Variants in POLR2H observed in about 807,000 individuals in gnomAD.
The protein encoded by POLR2H is DNA-directed RNA polymerases I, II, and III subunit RPABC3.
Under a neutral mutation model 18.1 loss-of-function variants are expected in POLR2H, and 3 were observed. The observed-to-expected ratio is 0.17, with a 90% confidence interval of 0.08 to 0.43. The LOEUF (loss-of-function observed/expected upper bound fraction) is 0.43. Ranked by LOEUF, POLR2H falls within the 20% of genes least tolerant of loss-of-function variation. The probability of loss-of-function intolerance (pLI) is 0.99; values close to 1 mark genes in which losing one functional copy is unlikely to be tolerated. For synonymous variants in POLR2H, 76 were observed against 69.0 expected (o/e 1.10, Z -0.50); for missense variants, 103 against 184.6 (o/e 0.56, Z 2.56).
Position 184,368,469 on chromosome 3 carries a change from A to G in POLR2H, c.*175A>G. On this transcript the variant is annotated 3_prime_UTR_variant, in exon 6 of 6. Coordinates refer to ENST00000456318, the MANE Select transcript of POLR2H (RefSeq NM_006232.5). ...AAACTGACTCGCCTGTGAAAGACAC[A>G]GTGGGAGAGCTGAAAATGAATCAGA... The G allele has an allele frequency of 8.2e-6, 4 of 486,476 alleles. No individual in the cohort carries two copies. Among genetic ancestry groups the G allele is most frequent in the Non-Finnish European group, 1.4e-5 (4 of 276,210 alleles). 30.1% of individuals were successfully genotyped at this position (486,476 alleles called of 1,614,324 possible).
At chr3:184,366,361 G>A (rs1275678348) in intron 4 of POLR2H, among the ~76,000 whole-genome samples, 2 of 142,172 alleles carry the variant, frequency 1.4e-5, no homozygotes, top group African/African-American at 2.7e-5. Flanking sequence ...TTTTTGAGAC[G>A]GAGTCTTGCT....
chr3:184,367,906 A>G (rs1713609924), intron 5 of POLR2H, among the ~76,000 whole-genome samples: 2 of 152,186 alleles, frequency 1.3e-5, no homozygotes, highest in Non-Finnish European at 2.9e-5. Flanking sequence ...TCCACCCTCG[A>G]TAATATAAAG....
At chr3:184,364,661 C>G in intron 2 of POLR2H, 1 of 442,836 alleles carries the variant, frequency 2.3e-6, no homozygotes, top group South Asian at 3.2e-5. Flanking sequence ...CAGTGCCTAG[C>G]ATAGAAAGAG....
intron 2 of POLR2H, chr3:184,364,709 G>T: frequency 1.9e-6 from 1 of 539,352 alleles, no homozygotes; most frequent in Non-Finnish European, 3.3e-6. Context: ...CCCAGAGTCA[G>T]GTTCTCAGTC....
intron 2 of POLR2H, chr3:184,364,428 G>C (rs1440960246): frequency 6.6e-6 from 1 of 152,222 alleles, no homozygotes; most frequent in Non-Finnish European, 1.5e-5. Context: ...GGGTTTCACC[G>C]TGTTGGCCAG....
At position 184,363,268 on chromosome 3, in the gene POLR2H, C is replaced by G. The variant is rs1712572173; in HGVS notation, c.-225C>G. 17 of 593,230 alleles carry G rather than the reference C, an allele frequency of 2.9e-5. No individual in the cohort carries two copies. The South Asian group carries it at 3.2e-4, about 11-fold the overall frequency. The allele number at this position is 593,230 out of a possible 1,614,324, so 36.7% of individuals were successfully genotyped here. A position where few individuals can be genotyped will look rare whatever the true frequency, so the allele number is the denominator to read the frequency against. ...ACCCGCCCTCAATGCCGAAGCCTCT[C>G]GGAAGCAATCTTTCGGGACGGAAGT... On this transcript the variant is annotated 5_prime_UTR_variant, in exon 2 of 6. Transcript: ENST00000456318.
At chr3:184,364,236 CT>C (rs138189083) in intron 2 of POLR2H, among the ~76,000 whole-genome samples, 38 of 147,918 alleles carry the variant, frequency 2.6e-4, no homozygotes, top group Non-Finnish European at 2.5e-4. Context: ...TGGTATATAC[CT>C]TTTTTTTTTT....
chr3:184,367,873 T>A (rs554096928), intron 5 of POLR2H, among the ~76,000 whole-genome samples: 105 of 152,366 alleles, frequency 6.9e-4, no homozygotes, highest in African/African-American at 2.3e-3. Context: ...AACATTCCCC[T>A]GATTTGGGGC....
intron 4 of POLR2H, 121 bp downstream of exon 4, chr3:184,365,347 T>A: frequency 1.3e-6 from 1 of 764,406 alleles, no homozygotes; most frequent in Non-Finnish European, 2.3e-6. Context: ...TGAGTAACCT[T>A]AAGGAAATTT....
intron 2 of POLR2H, chr3:184,364,699 C>T (rs2108597758): frequency 1.9e-6 from 1 of 518,894 alleles, no homozygotes; most frequent in East Asian, 3.2e-5. Flanking sequence ...GAATAACTTG[C>T]CCAGAGTCAG....
In POLR2H at chr3:184,363,334, G is replaced by T. The variant is rs1712596612; in HGVS notation, c.-159G>T. 9 of 675,126 alleles carry T rather than the reference G, an allele frequency of 1.3e-5. No homozygotes were observed. The highest frequency in any genetic ancestry group is 1.6e-5 in the South Asian group (1 of 63,290). The allele number at this position is 675,126 out of a possible 1,614,324, so 41.8% of individuals were successfully genotyped here. ...GGGAGGCTGTGGCGGAAGTGGTCGC[G>T]TTACCGCTTGTTTGTGCGCATGCGC... On this transcript the variant is annotated 5_prime_UTR_variant, in exon 2 of 6. Coordinates refer to ENST00000456318, the MANE Select transcript of POLR2H (RefSeq NM_006232.5).
chr3:184,368,067 G>C (rs2108611742), intron 5 of POLR2H, 110 bp from the exon 6 acceptor site: 2 of 1,538,998 alleles, frequency 1.3e-6, no homozygotes, highest in African/African-American at 1.4e-5. Context: ...CAGAATTTTG[G>C]TTCCTAGTGA....
intron 5 of POLR2H, 86 bp downstream of exon 5, chr3:184,366,886 C>T (rs1713396100): frequency 1.5e-5 from 12 of 820,820 alleles, no homozygotes; most frequent in South Asian, 1.4e-4. Context: ...TGTTGAGTCC[C>T]TCTCCTCAGG....
At chr3:184,366,869 C>A in intron 5 of POLR2H, 69 bp downstream of exon 5, 1 of 947,692 alleles carries the variant, frequency 1.1e-6, no homozygotes. Flanking sequence ...TATGCTCCTG[C>A]TTCCTCTGTT....
At chr3:184,365,074 T>G (rs776210703) in intron 3 of POLR2H, 25 bp downstream of exon 3, 59 of 1,578,540 alleles carry the variant, frequency 3.7e-5, no homozygotes, top group Non-Finnish European at 4.8e-5. Flanking sequence ...CAGACAATAA[T>G]AAGAGACTTT....
In POLR2H at chr3:184,366,389, G is replaced by C. The variant is rs575902017; in HGVS notation, c.252-328G>C. 9.1e-5 allele frequency: 15 copies of C among 164,682 alleles called. No homozygotes were observed. In the South Asian group the frequency reaches 1.8e-3, roughly 19 times the overall value. 10.2% of individuals were successfully genotyped at this position (164,682 alleles called of 1,614,324 possible). ...GTCTTGCTCTGTGGCCCAGGCTGGA[G>C]TGCAGTGGCGCGATCTCAGTTCACT... On this transcript the variant is annotated intron_variant, in intron 4 of 5. Coordinates refer to ENST00000456318, the MANE Select transcript of POLR2H (RefSeq NM_006232.5).
rs1428484051 is a variant in POLR2H at position 184,363,288 on chromosome 3, G to C, written c.-205G>C. Reference sequence around the variant, plus strand: ...CCTCTCGGAAGCAATCTTTCGGGACGGAAGTTAAGTAGCCCCGAGCGGGAG... The same window carrying C: ...CCTCTCGGAAGCAATCTTTCGGGACCGAAGTTAAGTAGCCCCGAGCGGGAG... On this transcript the variant is annotated 5_prime_UTR_variant, in exon 2 of 6. Transcript: ENST00000456318. 2 of 610,680 alleles carry C rather than the reference G, an allele frequency of 3.3e-6. No homozygotes were observed. Among genetic ancestry groups the C allele is most frequent in the African/African-American group, 1.8e-5 (1 of 54,502 alleles). 37.8% of individuals were successfully genotyped at this position (610,680 alleles called of 1,614,324 possible). A position where few individuals can be genotyped will look rare whatever the true frequency, so the allele number is the denominator to read the frequency against.
intron 4 of POLR2H, among the ~76,000 whole-genome samples, chr3:184,366,360 C>T (rs1035504365): frequency 3.0e-5 from 4 of 133,348 alleles, no homozygotes; most frequent in South Asian, 4.6e-4. Context: ...TTTTTTGAGA[C>T]GGAGTCTTGC....
intron 4 of POLR2H, chr3:184,365,476 C>A: frequency 1.5e-5 from 7 of 458,358 alleles, no homozygotes; most frequent in Admixed American, 3.8e-5. Flanking sequence ...GCCTGAGCAA[C>A]ATAGCGAAAC....
Sources: gnomAD v4.1 joint callset for allele counts (sites outside exome capture counted in the v4.1 genomes callset) on GRCh38, gnomAD v4.1.1 for gene constraint, MANE v1.5 for transcripts, NCBI Gene and HGNC (gene_info 2026-07-23, HGNC 2026-07-21) for gene names.